The following SHISA6 variants were observed in gnomAD, a reference collection of about 807,000 sequenced individuals.
SHISA6 encodes shisa family member 6.
In SHISA6, 22 loss-of-function variants were observed where a neutral mutation model predicts 47.9. That is an observed-to-expected ratio of 0.46 (90% CI 0.33 to 0.66). The LOEUF (loss-of-function observed/expected upper bound fraction) is 0.66. Among genes scored for constraint, SHISA6 ranks in the 30% least tolerant of loss-of-function variants. SHISA6 has a pLI of 0.02. For missense variants in SHISA6, 680 were observed against 764.6 expected, an observed-to-expected ratio of 0.89 and a Z score of 1.30; for synonymous variants, 388 against 337.8, an observed-to-expected ratio of 1.15 and a Z score of -1.63.
At chr17:11,383,651 C>G (rs560740012) in intron 3 of SHISA6, among the ~76,000 whole-genome samples, 1 of 152,160 alleles carries the variant, frequency 6.6e-6, no homozygotes, top group East Asian at 1.9e-4. Flanking sequence ...TCAGGACTTT[C>G]TAACTGAATG....
At chr17:11,321,073 A>C (rs1218896880) in intron 2 of SHISA6, among the ~76,000 whole-genome samples, 1 of 152,182 alleles carries the variant, frequency 6.6e-6, no homozygotes, top group Non-Finnish European at 1.5e-5. Context: ...ACCAAATAAG[A>C]GGGATGAAGT....
intron 3 of SHISA6, among the ~76,000 whole-genome samples, chr17:11,426,818 A>G (rs1914623557): frequency 6.6e-6 from 1 of 152,142 alleles, no homozygotes; most frequent in African/African-American, 2.4e-5. Flanking sequence ...AGGATTAGAA[A>G]GCCTTTCTCT....
At chr17:11,458,397 G>A (rs1194612024) in intron 3 of SHISA6, among the ~76,000 whole-genome samples, 1 of 152,104 alleles carries the variant, frequency 6.6e-6, no homozygotes. Context: ...TGTTGTCAGG[G>A]AATAAAGAAA....
intron 2 of SHISA6, among the ~76,000 whole-genome samples, chr17:11,366,835 C>A (rs930957280): frequency 3.9e-5 from 6 of 152,124 alleles, no homozygotes; most frequent in Non-Finnish European, 8.8e-5. Flanking sequence ...ATAAAGTTTT[C>A]TTTTGGCCAT....
intron 3 of SHISA6, among the ~76,000 whole-genome samples, chr17:11,453,941 G>A (rs868302765): frequency 3.9e-5 from 6 of 152,186 alleles, no homozygotes; most frequent in African/African-American, 9.7e-5. Flanking sequence ...CCCACTGAAG[G>A]ACATTTAGGG....
At chr17:11,410,613 G>C (rs1914086822) in intron 3 of SHISA6, among the ~76,000 whole-genome samples, 1 of 133,180 alleles carries the variant, frequency 7.5e-6, no homozygotes, top group South Asian at 2.5e-4. Context: ...GACTGATAGT[G>C]TCACTATGGA....
chr17:11,480,511 C>T (rs937129274), intron 3 of SHISA6, among the ~76,000 whole-genome samples: 2 of 152,194 alleles, frequency 1.3e-5, no homozygotes, highest in Admixed American at 1.3e-4. Context: ...AGGCTCACCC[C>T]AAAATCACAG....
intron 3 of SHISA6, among the ~76,000 whole-genome samples, chr17:11,483,255 C>T (rs866996443): frequency 1.3e-5 from 2 of 150,894 alleles, no homozygotes; most frequent in Non-Finnish European, 2.9e-5. Context: ...AAGCCAAGAT[C>T]GTGCCATTGC....
At chr17:11,424,961 C>T (rs1971672) in intron 3 of SHISA6, among the ~76,000 whole-genome samples, 31,444 of 141,602 alleles carry the variant, frequency 0.22, 3,637 homozygotes, top group South Asian at 0.38. Context: ...CAGCAGAGAT[C>T]GCGCCACTGC....
In SHISA6 at chr17:11,433,581, G is replaced by A. The variant is rs754395988; in HGVS notation, c.895+54072G>A. Among the ~76,000 whole-genome samples the A allele has an allele frequency of 3.9e-5, 6 of 152,094 alleles. No homozygotes were observed. The South Asian group carries it at 6.2e-4, about 16-fold the overall frequency. On this transcript the variant is annotated intron_variant, in intron 3 of 5. Coordinates refer to ENST00000441885, the MANE Select transcript of SHISA6 (RefSeq NM_207386.4). Reference sequence around the variant, plus strand: ...CAACCATTGTGGAAGACAGCATGGCGTTTCCTCAAGGATCTAGAACTAGAA... The same window carrying A: ...CAACCATTGTGGAAGACAGCATGGCATTTCCTCAAGGATCTAGAACTAGAA...
chr17:11,309,739 T>A (rs146836906), intron 2 of SHISA6, among the ~76,000 whole-genome samples: 1 of 152,238 alleles, frequency 6.6e-6, no homozygotes, highest in Admixed American at 6.5e-5. Context: ...CTTTGTGTGA[T>A]AACTTTGGCA....
At chr17:11,304,885 G>C (rs1312519725) in intron 2 of SHISA6, among the ~76,000 whole-genome samples, 1 of 152,142 alleles carries the variant, frequency 6.6e-6, no homozygotes, top group African/African-American at 2.4e-5. Context: ...CTGGGCTTCT[G>C]GGTGGCTGGT....
intron 3 of SHISA6, among the ~76,000 whole-genome samples, chr17:11,481,523 C>T (rs1224611545): frequency 6.7e-6 from 1 of 149,176 alleles, no homozygotes. Flanking sequence ...GATGGAGTCT[C>T]GCTCCGTCGC....
intron 3 of SHISA6, among the ~76,000 whole-genome samples, chr17:11,516,642 A>G (rs1259736120): frequency 6.6e-6 from 1 of 152,152 alleles, no homozygotes; most frequent in Non-Finnish European, 1.5e-5. Context: ...AGCTCAAGAA[A>G]TCCCTGAATG....
At chr17:11,389,051 T>C (rs1302545071) in intron 3 of SHISA6, among the ~76,000 whole-genome samples, 1 of 151,790 alleles carries the variant, frequency 6.6e-6, no homozygotes, top group Admixed American at 6.6e-5. Flanking sequence ...CCAGCTGGAT[T>C]CACAGCAATT....
At chr17:11,549,083 C>T (rs1306017934) in intron 3 of SHISA6, among the ~76,000 whole-genome samples, 1 of 152,114 alleles carries the variant, frequency 6.6e-6, no homozygotes, top group African/African-American at 2.4e-5. Context: ...AAGATTAAAT[C>T]ATGCTATTTT....
At chr17:11,423,785 T>A (rs770352022) in intron 3 of SHISA6, among the ~76,000 whole-genome samples, 1 of 151,896 alleles carries the variant, frequency 6.6e-6, no homozygotes, top group African/African-American at 2.4e-5. Context: ...TGAATTGTAA[T>A]TCAATAAAAA....
Position 11,532,739 on chromosome 17 carries a change from C to CT in SHISA6, c.896-19132dup, listed in dbSNP as rs71142217. On this transcript the variant is annotated intron_variant, in intron 3 of 5. Transcript: ENST00000441885. ...CATGCCTTTCCCCATTCTATCAGGG[C>CT]TTTTTTTTTTTTTTTTTTTTTTTTT... 1.3e-3 allele frequency among the ~76,000 whole-genome samples: 96 copies of CT among 71,300 alleles called. 1 individual carries two copies. The highest frequency in any genetic ancestry group is 3.3e-3 in the Admixed American group (15 of 4,542). 46.8% of individuals were successfully genotyped at this position (71,300 alleles called of 152,430 possible). A position where few individuals can be genotyped will look rare whatever the true frequency, so the allele number is the denominator to read the frequency against.
intron 2 of SHISA6, among the ~76,000 whole-genome samples, chr17:11,373,808 T>G (rs1439558468): frequency 6.6e-6 from 1 of 152,230 alleles, no homozygotes; most frequent in East Asian, 1.9e-4. Flanking sequence ...TTTCTCTGGC[T>G]GGGAAGATAG....
Sources: gnomAD v4.1 joint callset for allele counts (sites outside exome capture counted in the v4.1 genomes callset) on GRCh38, gnomAD v4.1.1 for gene constraint, MANE v1.5 for transcripts, NCBI Gene and HGNC (gene_info 2026-07-23, HGNC 2026-07-21) for gene names.